Variants in SRFBP1 observed in about 807,000 individuals in gnomAD.
SRFBP1 encodes the protein serum response factor binding protein 1, also known as serum response factor-binding protein 1.
A neutral mutation model predicts 45.5 loss-of-function variants in SRFBP1; 47 were observed. That is an observed-to-expected ratio of 1.03 (90% CI 0.82 to 1.32). The LOEUF is 1.32. SRFBP1 is among the 40% of genes most tolerant of loss of function. The pLI is 0.00. For missense variants in SRFBP1, 621 were observed against 484.6 expected (o/e 1.28, Z -2.64); for synonymous variants, 203 against 166.3 (o/e 1.22, Z -1.70).
intron 4 of SRFBP1, among the ~76,000 whole-genome samples, chr5:122,009,438 C>T (rs760540279): frequency 1.3e-5 from 2 of 151,908 alleles, no homozygotes; most frequent in Non-Finnish European, 2.9e-5. Context: ...TTCATGTTTT[C>T]TGCCTACTTT....
In SRFBP1 at chr5:122,019,240, T is replaced by A; in HGVS notation, c.271-20T>A. On this transcript the variant is annotated intron_variant, in intron 4 of 7. Coordinates refer to ENST00000339397, the MANE Select transcript of SRFBP1 (RefSeq NM_152546.3). ...TTTTTATTTCATTCCCATACGTTTATTATATTTTTAAATTTGCAGCCAGAT... is the reference window on the plus strand; with the variant it reads ...TTTTTATTTCATTCCCATACGTTTAATATATTTTTAAATTTGCAGCCAGAT... 1 of 1,596,754 alleles carries A rather than the reference T, an allele frequency of 6.3e-7. No individual in the cohort carries two copies. The highest frequency in any genetic ancestry group is 8.6e-7 in the Non-Finnish European group (1 of 1,165,440).
chr5:122,048,680 T>G (rs904581807), intron 2 of SRFBP1, among the ~76,000 whole-genome samples: 25 of 152,162 alleles, frequency 1.6e-4, no homozygotes, highest in African/African-American at 5.3e-4. Flanking sequence ...GGTCCTGGAC[T>G]TTTTTTGATT....
At chr5:122,049,791 A>T (rs1753936267) in intron 2 of SRFBP1, among the ~76,000 whole-genome samples, 1 of 152,242 alleles carries the variant, frequency 6.6e-6, no homozygotes, top group Non-Finnish European at 1.5e-5. Context: ...TACATAACGA[A>T]ATGAAGGCAG....
At chr5:121,995,826 G>T (rs1055375922) in intron 4 of SRFBP1, among the ~76,000 whole-genome samples, 23 of 151,270 alleles carry the variant, frequency 1.5e-4, no homozygotes, top group African/African-American at 5.6e-4. Context: ...AATGATAAAG[G>T]GGATATCACC....
chr5:122,018,352 G>C (rs180933831), intron 4 of SRFBP1, among the ~76,000 whole-genome samples: 38 of 152,300 alleles, frequency 2.5e-4, no homozygotes, highest in Non-Finnish European at 3.7e-4. Context: ...TTAGTCAAAG[G>C]TAGTAAGAAT....
chr5:122,042,367 A>G (rs1182940589), intron 2 of SRFBP1, among the ~76,000 whole-genome samples: 6 of 152,092 alleles, frequency 3.9e-5, no homozygotes, highest in African/African-American at 1.4e-4. Context: ...CCAGGGTTCA[A>G]GCGATCCTCC....
chr5:122,065,277 CAT>C (rs1326927499), intron 2 of SRFBP1: 1 of 152,094 alleles, frequency 6.6e-6, no homozygotes, highest in African/African-American at 2.4e-5. Flanking sequence ...AATTCTATGA[CAT>C]GTAATACAGG....
intron 3 of SRFBP1, 148 bp downstream of exon 3, chr5:121,975,535 CA>C (rs1443567526): frequency 2.5e-5 from 21 of 840,120 alleles, no homozygotes; most frequent in African/African-American, 3.5e-5. Context: ...GAATGTAGCA[CA>C]TTTAGAAAAT....
At chr5:122,072,400 A>G (rs1254471593) in intron 2 of SRFBP1, among the ~76,000 whole-genome samples, 2 of 152,232 alleles carry the variant, frequency 1.3e-5, no homozygotes, top group Non-Finnish European at 2.9e-5. Flanking sequence ...CAGCAATTTG[A>G]GTTTTAGCAA....
intron 2 of SRFBP1, among the ~76,000 whole-genome samples, chr5:122,042,108 G>T (rs1444219671): frequency 1.3e-5 from 2 of 151,886 alleles, no homozygotes; most frequent in Non-Finnish European, 2.9e-5. Flanking sequence ...AAGAACATTT[G>T]TGCCTAGTGC....
At chr5:122,077,794 G>A, downstream of SRFBP1, 3 of 1,549,970 alleles carry the variant, frequency 1.9e-6, no homozygotes, top group East Asian at 7.2e-5. The surrounding 1 kb of genome is among the most constrained non-coding windows in gnomAD (Gnocchi z 4.9). Flanking sequence ...GCTGAGGCTG[G>A]TACTGTGAGC....
At chr5:122,048,792 G>C (rs987965761) in intron 2 of SRFBP1, among the ~76,000 whole-genome samples, 1 of 152,118 alleles carries the variant, frequency 6.6e-6, no homozygotes, top group African/African-American at 2.4e-5. Flanking sequence ...ATGTGTCCAG[G>C]AATTTATCCA....
intron 7 of SRFBP1, among the ~76,000 whole-genome samples, chr5:122,023,586 T>G (rs1296061232): frequency 6.6e-6 from 1 of 152,218 alleles, no homozygotes; most frequent in East Asian, 1.9e-4. Flanking sequence ...ATGAAGGCTC[T>G]GAGAGGAACT....
downstream of SRFBP1, chr5:122,075,673 A>G: frequency 1.7e-6 from 1 of 575,260 alleles, no homozygotes; most frequent in South Asian, 4.2e-5. Context: ...CCAAGAGTCT[A>G]AGGCATTTTG....
Position 122,046,987 on chromosome 5 carries a change from T to G in SRFBP1, n.311+24580T>G, listed in dbSNP as rs867858860. On this transcript the variant is annotated intron_variant and non_coding_transcript_variant, in intron 2 of 2. Transcript: ENST00000504881. ...GTAGGTTGCAGACATTTTCTCCCAT[T>G]CTGTAGGTTGCCTGTTCACTCTGAT... Among the ~76,000 whole-genome samples the G allele has an allele frequency of 9.2e-5, 14 of 152,324 alleles. No individual in the cohort carries two copies. In the East Asian group the frequency reaches 1.2e-3, roughly 13 times the overall value.
At chr5:122,077,145 A>G (rs879306989), downstream of SRFBP1, 43 of 1,468,904 alleles carry the variant, frequency 2.9e-5, no homozygotes, top group Non-Finnish European at 3.7e-5. This position sits in a 1 kb window ranked among gnomAD's most constrained non-coding sequence, Gnocchi z 4.9. Context: ...AGAACTGGGG[A>G]CGCCCGGGAC....
intron 4 of SRFBP1, among the ~76,000 whole-genome samples, chr5:122,017,496 T>A (rs1247614500): frequency 6.6e-6 from 1 of 152,194 alleles, no homozygotes. Flanking sequence ...ACCACCCTGA[T>A]CCACTGTGAT....
chr5:122,047,257 C>A (rs1753879162), intron 2 of SRFBP1, among the ~76,000 whole-genome samples: 1 of 152,146 alleles, frequency 6.6e-6, no homozygotes, highest in Non-Finnish European at 1.5e-5. Flanking sequence ...TTTCAGCTTT[C>A]TACATATGTC....
intron 2 of SRFBP1, among the ~76,000 whole-genome samples, chr5:122,058,908 G>A (rs1051992926): frequency 6.6e-6 from 1 of 152,090 alleles, no homozygotes; most frequent in African/African-American, 2.4e-5. Flanking sequence ...GTGAAACCAG[G>A]ATGAAGATCT....
Sources: gnomAD v4.1 joint callset for allele counts (sites outside exome capture counted in the v4.1 genomes callset) on GRCh38, gnomAD v4.1.1 for gene constraint, Gnocchi (gnomAD v3.1) non-coding constraint, MANE v1.5 for transcripts, NCBI Gene and HGNC (gene_info 2026-07-23, HGNC 2026-07-21) for gene names.